LEMD1: variants seen among roughly 807,000 people sequenced by gnomAD.
LEMD1 encodes the protein LEM domain containing 1.
A neutral mutation model predicts 17.4 loss-of-function variants in LEMD1; 18 were observed. That is an observed-to-expected ratio of 1.04 (90% CI 0.72 to 1.54). The LOEUF (loss-of-function observed/expected upper bound fraction) is 1.54, where lower values mean the gene tolerates loss of function less well. Ranked by LOEUF, LEMD1 falls within the 40% of genes most tolerant of loss-of-function variation. The pLI is 0.00. For synonymous variants in LEMD1, 88 were observed against 77.8 expected (o/e 1.13, Z -0.69); for missense variants, 195 against 210.4 (o/e 0.93, Z 0.45).
At chr1:205,388,568 G>A (rs1196837263) in intron 4 of LEMD1, among the ~76,000 whole-genome samples, 1 of 152,112 alleles carries the variant, frequency 6.6e-6, no homozygotes, top group African/African-American at 2.4e-5. Context: ...AGAGGCTTAG[G>A]GAGCTGAGTT....
intron 4 of LEMD1, chr1:205,386,180 G>A (rs916323091): frequency 1.3e-5 from 2 of 153,012 alleles, no homozygotes; most frequent in African/African-American, 4.8e-5. Flanking sequence ...TCCCAGCGCA[G>A]GGTGGGGTGG....
intron 4 of LEMD1, among the ~76,000 whole-genome samples, chr1:205,390,022 T>C (rs1321854436): frequency 6.6e-6 from 1 of 151,994 alleles, no homozygotes; most frequent in Admixed American, 6.6e-5. Flanking sequence ...AAAAGCAAGG[T>C]TAAAAACCTT....
chr1:205,440,634 G>A (rs1666277691), intron 1 of LEMD1: 1 of 152,442 alleles, frequency 6.6e-6, no homozygotes, highest in South Asian at 2.1e-4. Flanking sequence ...TGGCCTCCCT[G>A]GGGCTTCTCA....
At chr1:205,396,994 G>A (rs1664619731) in intron 4 of LEMD1, among the ~76,000 whole-genome samples, 1 of 152,008 alleles carries the variant, frequency 6.6e-6, no homozygotes, top group South Asian at 2.1e-4. Flanking sequence ...CTCCCCACTT[G>A]GGCAAATTCC....
At chr1:205,386,468 T>A (rs2102339556) in intron 4 of LEMD1, 1 of 152,318 alleles carries the variant, frequency 6.6e-6, no homozygotes, top group African/African-American at 2.4e-5. Context: ...GATGCCTGGC[T>A]AATTTTTTAT....
intron 4 of LEMD1, among the ~76,000 whole-genome samples, chr1:205,399,971 G>C (rs907338981): frequency 2.0e-5 from 3 of 152,238 alleles, no homozygotes; most frequent in African/African-American, 7.2e-5. Flanking sequence ...AGGCTAACGA[G>C]TGAGGGTCTG....
At chr1:205,437,432 C>A (rs937194089) in intron 1 of LEMD1, 1 of 152,348 alleles carries the variant, frequency 6.6e-6, no homozygotes, top group Non-Finnish European at 1.5e-5. Context: ...AACTGACTTA[C>A]TCCCCTTGGG....
intron 1 of LEMD1, chr1:205,436,552 A>T (rs1222574052): frequency 6.6e-6 from 1 of 151,822 alleles, no homozygotes; most frequent in Non-Finnish European, 1.5e-5. Flanking sequence ...CAAGGCAGAT[A>T]CCCTTGTCAG....
At chr1:205,391,829 C>T (rs12140919) in intron 4 of LEMD1, among the ~76,000 whole-genome samples, 8,740 of 151,870 alleles carry the variant, frequency 0.058, 352 homozygotes, top group Non-Finnish European at 0.096. Flanking sequence ...CCCAGAAGGC[C>T]GGGTGTGGTG....
intron 4 of LEMD1, chr1:205,385,893 T>A (rs1196384199): frequency 6.6e-6 from 1 of 152,158 alleles, no homozygotes; most frequent in African/African-American, 2.4e-5. Context: ...AGGAGTGGTA[T>A]AAGGAGCTGG....
chr1:205,388,475 C>T (rs184393405), intron 4 of LEMD1, among the ~76,000 whole-genome samples: 2 of 152,300 alleles, frequency 1.3e-5, no homozygotes, highest in East Asian at 1.9e-4. Flanking sequence ...AAGTGTGAGC[C>T]ACCATGCCTG....
intron 1 of LEMD1, among the ~76,000 whole-genome samples, chr1:205,438,325 C>T (rs908288996): frequency 5.9e-5 from 9 of 152,238 alleles, no homozygotes; most frequent in Non-Finnish European, 1.2e-4. Flanking sequence ...GCTCAGGGCC[C>T]CCACCTCAAG....
chr1:205,439,454 G>A (rs1451550847), intron 1 of LEMD1, among the ~76,000 whole-genome samples: 1 of 152,264 alleles, frequency 6.6e-6, no homozygotes, highest in Non-Finnish European at 1.5e-5. Flanking sequence ...GCCCCTGAGT[G>A]TGGGCATGAG....
In LEMD1 at chr1:205,381,646, C is replaced by G; in HGVS notation, c.*12G>C. 1 of 1,613,852 alleles carries G rather than the reference C, an allele frequency of 6.2e-7. No homozygotes were observed. The highest frequency in any genetic ancestry group is 2.2e-5 in the East Asian group (1 of 44,888). The stretch of plus-strand genomic sequence containing the variant: ...AGGCCTCGCTTGGAGCATTGCTTTG[C>G]TCCTAAATTACTTAACCAAACAGCG... On this transcript the variant is annotated 3_prime_UTR_variant, in exon 6 of 6. Transcript: ENST00000367153.
chr1:205,409,605 CTTT>C (rs55893508), intron 4 of LEMD1, among the ~76,000 whole-genome samples: 1 of 145,930 alleles, frequency 6.9e-6, no homozygotes. Flanking sequence ...GCTCTACAGT[CTTT>C]TTTTTTTTTT....
At chr1:205,390,083 G>A (rs1664256756) in intron 4 of LEMD1, among the ~76,000 whole-genome samples, 1 of 152,032 alleles carries the variant, frequency 6.6e-6, no homozygotes, top group African/African-American at 2.4e-5. Flanking sequence ...AACCAGGGGA[G>A]GTGGCTCACG....
At chr1:205,419,487 A>G (rs1665858475) in intron 2 of LEMD1, 135 bp from the exon 3 acceptor site, 3 of 992,588 alleles carry the variant, frequency 3.0e-6, no homozygotes, top group Admixed American at 4.5e-5. Context: ...TTTATTTGAG[A>G]CAGGGTCTCA....
intron 4 of LEMD1, among the ~76,000 whole-genome samples, chr1:205,409,281 A>T (rs1391362299): frequency 1.3e-5 from 2 of 152,256 alleles, no homozygotes; most frequent in African/African-American, 2.4e-5. Context: ...AGCACTTAAA[A>T]GTTCAATACT....
upstream of LEMD1, among the ~76,000 whole-genome samples, chr1:205,425,803 AT>A (rs1575001549): frequency 6.6e-6 from 1 of 152,390 alleles, no homozygotes; most frequent in East Asian, 1.9e-4. Flanking sequence ...CCTAATTGCC[AT>A]TCTATAAACA....
Sources: allele counts gnomAD v4.1 joint callset (sites outside exome capture counted in the v4.1 genomes callset), GRCh38; gene constraint gnomAD v4.1.1; transcripts MANE v1.5; gene names NCBI Gene and HGNC (gene_info 2026-07-23, HGNC 2026-07-21).